Variants in LYPD6B observed in about 807,000 individuals in gnomAD.
The protein encoded by LYPD6B is LY6/PLAUR domain containing 6B.
In LYPD6B, 17 loss-of-function variants were observed where a neutral mutation model predicts 22.8. The observed-to-expected ratio is 0.75, with a 90% CI of 0.51 to 1.12. The LOEUF (loss-of-function observed/expected upper bound fraction) is 1.12, where lower values mean the gene tolerates loss of function less well. Ranked by LOEUF, LYPD6B falls within the 50% of genes most tolerant of loss-of-function variation. The pLI is 0.00. For missense variants in LYPD6B, 221 were observed against 258.3 expected (o/e 0.86, Z 0.99); for synonymous variants, 106 against 91.6 (o/e 1.16, Z -0.90).
chr2:149,065,380 A>G (rs1684273440), intron 1 of LYPD6B, among the ~76,000 whole-genome samples: 1 of 152,188 alleles, frequency 6.6e-6, no homozygotes, highest in Admixed American at 6.5e-5. Context: ...TCTTAATTTC[A>G]TTGGCCCCCT....
chr2:149,152,392 A>G (rs998164504), intron 2 of LYPD6B, among the ~76,000 whole-genome samples: 14 of 152,150 alleles, frequency 9.2e-5, no homozygotes, highest in Non-Finnish European at 2.1e-4. Context: ...GCTCTTTCCT[A>G]TTCATTTTCA....
chr2:149,044,957 C>T (rs1232014399), intron 1 of LYPD6B, among the ~76,000 whole-genome samples: 1 of 151,984 alleles, frequency 6.6e-6, no homozygotes, highest in Non-Finnish European at 1.5e-5. Context: ...ATAAATTCCA[C>T]TTGGTTGTAA....
intron 2 of LYPD6B, among the ~76,000 whole-genome samples, chr2:149,134,862 G>A (rs560402646): frequency 7.2e-5 from 11 of 152,322 alleles, no homozygotes; most frequent in African/African-American, 2.4e-4. Context: ...GCAAGGTTAA[G>A]AGCATGCTAT....
intron 1 of LYPD6B, among the ~76,000 whole-genome samples, chr2:149,069,764 T>C (rs1684513903): frequency 6.6e-6 from 1 of 152,090 alleles, no homozygotes; most frequent in Non-Finnish European, 1.5e-5. Flanking sequence ...CAGTTGTCCA[T>C]AGTGCTGAGC....
At chr2:149,108,238 A>G (rs1266031417) in intron 1 of LYPD6B, among the ~76,000 whole-genome samples, 4 of 152,174 alleles carry the variant, frequency 2.6e-5, no homozygotes, top group Admixed American at 6.6e-5. Flanking sequence ...CCATGATTGT[A>G]AGGCTCCCCC....
chr2:149,053,208 TAAAAAA>T (rs879401445), intron 1 of LYPD6B, among the ~76,000 whole-genome samples: 1 of 151,930 alleles, frequency 6.6e-6, no homozygotes, highest in Non-Finnish European at 1.5e-5. Context: ...GATACATAGT[TAAAAAA>T]AACAAAATAG....
chr2:149,116,671 A>G (rs1047324175), intron 1 of LYPD6B, among the ~76,000 whole-genome samples: 9 of 152,220 alleles, frequency 5.9e-5, no homozygotes, highest in African/African-American at 1.9e-4. Context: ...GGCAGTTACA[A>G]CATAAAAGGA....
chr2:149,068,667 C>G lies in LYPD6B; in HGVS notation c.-67+29866C>G, dbSNP rs533544885. ...CCAGAAAATTCACCTACCTTTTGTC[C>G]CTTCTTAAAAAACTAGGTTGGCATG... On this transcript the variant is annotated intron_variant, in intron 1 of 6. Coordinates refer to ENST00000409642, the MANE Select transcript of LYPD6B (RefSeq NM_177964.5). 11 of 543,774 alleles carry G rather than the reference C, an allele frequency of 2.0e-5. No homozygotes were observed. In the East Asian group the frequency reaches 5.8e-4, roughly 29 times the overall value. The allele number at this position is 543,774 out of a possible 1,614,324, so 33.7% of individuals were successfully genotyped here. A position where few individuals can be genotyped will look rare whatever the true frequency, so the allele number is the denominator to read the frequency against.
chr2:149,193,719 C>G (rs1692636959), intron 3 of LYPD6B, among the ~76,000 whole-genome samples: 1 of 151,834 alleles, frequency 6.6e-6, no homozygotes, highest in African/African-American at 2.4e-5. Context: ...AAGTGAGAAG[C>G]CTTTTGTCAA....
In LYPD6B at chr2:149,160,744, T is replaced by C. The variant is rs1445920003; in HGVS notation, c.6-20T>C. 2.6e-6 allele frequency: 4 copies of C among 1,538,946 alleles called. No individual in the cohort carries two copies. The highest frequency in any genetic ancestry group is 1.4e-5 in the African/African-American group (1 of 72,842). Reference sequence around the variant, plus strand: ...ATCGTCAGCAGTGGCTCTTTCCTTATCTTTTTTTATCTCTGGTAGGCTGAT... The same window carrying C: ...ATCGTCAGCAGTGGCTCTTTCCTTACCTTTTTTTATCTCTGGTAGGCTGAT... On this transcript the variant is annotated intron_variant, in intron 2 of 6. Transcript: ENST00000409642.
chr2:149,098,627 C>CAAAAAAAAAA (rs1285429577), intron 1 of LYPD6B, among the ~76,000 whole-genome samples: 2 of 83,462 alleles, frequency 2.4e-5, no homozygotes, highest in South Asian at 4.1e-4. Context: ...AACTCTGTCT[C>CAAAAAAAAAA]AAAAAAAAAA....
At chr2:149,175,059 C>CTT (rs1281402106) in intron 3 of LYPD6B, among the ~76,000 whole-genome samples, 1 of 116,172 alleles carries the variant, frequency 8.6e-6, no homozygotes, top group Non-Finnish European at 1.9e-5. Flanking sequence ...CTCTCTCTCT[C>CTT]TCTGTGTGTG....
intron 3 of LYPD6B, among the ~76,000 whole-genome samples, chr2:149,174,944 A>T (rs1691157348): frequency 6.6e-6 from 1 of 151,782 alleles, no homozygotes; most frequent in Non-Finnish European, 1.5e-5. Context: ...CTAAGATAAG[A>T]GTTGGAAATA....
chr2:149,182,071 C>T (rs1691768890), intron 3 of LYPD6B, among the ~76,000 whole-genome samples: 1 of 152,180 alleles, frequency 6.6e-6, no homozygotes, highest in Admixed American at 6.5e-5. Flanking sequence ...ATATCTCCCT[C>T]ACCTACCTCA....
chr2:149,068,726 C>T (rs1408449628), intron 1 of LYPD6B: 17 of 537,682 alleles, frequency 3.2e-5, no homozygotes, highest in Admixed American at 2.9e-4. Context: ...AACATCCTGA[C>T]AGTCATCCAC....
At chr2:149,103,630 C>T (rs921299324) in intron 1 of LYPD6B, among the ~76,000 whole-genome samples, 2 of 152,072 alleles carry the variant, frequency 1.3e-5, no homozygotes, top group Non-Finnish European at 2.9e-5. Context: ...TCTCTTGCCC[C>T]TTGGAAATCT....
At chr2:149,114,125 TTTACTCA>T in intron 1 of LYPD6B, among the ~76,000 whole-genome samples, 1 of 152,272 alleles carries the variant, frequency 6.6e-6, no homozygotes, top group South Asian at 2.1e-4. Flanking sequence ...TGTTTGGTAC[TTTACTCA>T]CATACCAGCC....
intron 1 of LYPD6B, among the ~76,000 whole-genome samples, chr2:149,049,479 T>C (rs1188656666): frequency 2.0e-5 from 3 of 152,194 alleles, no homozygotes; most frequent in African/African-American, 4.8e-5. Flanking sequence ...TCTTACAGTA[T>C]GAAAAACACT....
At chr2:149,153,771 C>T (rs1689520320) in intron 2 of LYPD6B, among the ~76,000 whole-genome samples, 1 of 150,734 alleles carries the variant, frequency 6.6e-6, no homozygotes, top group Admixed American at 6.6e-5. Flanking sequence ...GAGACTCTGT[C>T]TCAAAAGAAA....
Sources: allele counts gnomAD v4.1 joint callset (sites outside exome capture counted in the v4.1 genomes callset), GRCh38; gene constraint gnomAD v4.1.1; transcripts MANE v1.5; gene names NCBI Gene and HGNC (gene_info 2026-07-23, HGNC 2026-07-21).